NLRC5: variants seen among roughly 807,000 people sequenced by gnomAD.
The protein encoded by NLRC5 is NLR family CARD domain containing 5.
In NLRC5, 114 loss-of-function variants were observed where a neutral mutation model predicts 206.9. The observed-to-expected ratio is 0.55, with a 90% confidence interval of 0.47 to 0.64. The LOEUF is 0.64. Ranked by LOEUF, NLRC5 falls within the 30% of genes least tolerant of loss-of-function variation. The pLI is 0.00. For missense variants in NLRC5, 2,008 were observed against 2,305.5 expected, an observed-to-expected ratio of 0.87 and a Z score of 2.64; for synonymous variants, 952 against 962.8, an observed-to-expected ratio of 0.99 and a Z score of 0.21.
intron 24 of NLRC5, among the ~76,000 whole-genome samples, chr16:57,051,870 C>T (rs1285712601): frequency 5.3e-5 from 8 of 152,164 alleles, no homozygotes; most frequent in Non-Finnish European, 1.0e-4. Flanking sequence ...GCCTCCTCTG[C>T]GTCTCAGTTT....
chr16:57,026,663 C>A lies in NLRC5; in HGVS notation c.1720C>A (p.Arg574Ser), dbSNP rs370956397. 4 of 1,614,042 alleles carry A rather than the reference C, an allele frequency of 2.5e-6. No homozygotes were observed. The highest frequency in any genetic ancestry group is 3.4e-6 in the Non-Finnish European group (4 of 1,180,022). The change falls in exon 6 of 49, where the codon CGC becomes AGC. Residue 574 changes from arginine to serine, a missense_variant. Arg to Ser is a moderately radical substitution (Grantham distance 110). Transcript: ENST00000688547. ...GGCGGGCCTGGCATCCTGCACCTGC[C>A]GCCCCTTCCTTAGCCACCTGGCGCA... ...FLAGLASCTC[R>S]PFLSHLAQGN...
At chr16:56,993,136 C>CGTATATATGTGTATATATAT (rs1283484103) in intron 1 of NLRC5, among the ~76,000 whole-genome samples, 26 of 83,948 alleles carry the variant, frequency 3.1e-4, no homozygotes, top group Non-Finnish European at 5.4e-4. Flanking sequence ...TATATATACA[C>CGTATATATGTGTATATATAT]ACACACACAC....
intron 1 of NLRC5, among the ~76,000 whole-genome samples, chr16:57,003,642 A>G (rs1459663902): frequency 5.3e-5 from 8 of 152,092 alleles, no homozygotes; most frequent in African/African-American, 1.7e-4. Flanking sequence ...CCGACCACCC[A>G]GACCCCTTGC....
At chr16:57,038,518 A>AGGGC (rs1486433958) in intron 15 of NLRC5, among the ~76,000 whole-genome samples, 14 of 152,292 alleles carry the variant, frequency 9.2e-5, no homozygotes, top group African/African-American at 2.2e-4. Flanking sequence ...CTGGCCTCCC[A>AGGGC]AAGAGCAAGG....
At chr16:57,023,581 T>A (rs1259396884) in intron 4 of NLRC5, among the ~76,000 whole-genome samples, 3 of 152,118 alleles carry the variant, frequency 2.0e-5, no homozygotes, top group Non-Finnish European at 4.4e-5. Flanking sequence ...CACCTTCCAA[T>A]GGGGGTGCCT....
chr16:57,014,795 A>C (rs12928552), intron 1 of NLRC5, among the ~76,000 whole-genome samples: 1 of 152,176 alleles, frequency 6.6e-6, no homozygotes, highest in Admixed American at 6.5e-5. Context: ...GAAGTCCCCA[A>C]TCAGGGAGCC....
intron 27 of NLRC5, among the ~76,000 whole-genome samples, chr16:57,057,041 T>A (rs2065769247): frequency 6.6e-6 from 1 of 152,200 alleles, no homozygotes; most frequent in African/African-American, 2.4e-5. Context: ...CAGGAAAAGA[T>A]GAAATTAACA....
intron 32 of NLRC5, chr16:57,062,145 T>G: frequency 1.2e-6 from 1 of 861,324 alleles, no homozygotes; most frequent in Non-Finnish European, 1.7e-6. Context: ...CTTCTATTTT[T>G]ATTTTTATTT....
intron 1 of NLRC5, among the ~76,000 whole-genome samples, chr16:56,991,321 C>T (rs1290089517): frequency 6.6e-6 from 1 of 152,018 alleles, no homozygotes; most frequent in African/African-American, 2.4e-5. Flanking sequence ...CACACATACC[C>T]TCTTCCCCTC....
chr16:57,012,492 G>T (rs1300650514), intron 1 of NLRC5, among the ~76,000 whole-genome samples: 1 of 152,216 alleles, frequency 6.6e-6, no homozygotes, highest in Non-Finnish European at 1.5e-5. Flanking sequence ...GGGCCGCACA[G>T]CAGGTGGTGA....
At chr16:57,030,434 GAAAA>G (rs1162381078) in intron 10 of NLRC5, among the ~76,000 whole-genome samples, 7 of 62,502 alleles carry the variant, frequency 1.1e-4, no homozygotes, top group East Asian at 6.1e-4. Context: ...ATGGGTGGAT[GAAAA>G]GATGGATGGA....
intron 30 of NLRC5, 149 bp downstream of exon 30, chr16:57,059,681 G>A (rs968406312): frequency 4.4e-5 from 31 of 698,136 alleles, no homozygotes; most frequent in Non-Finnish European, 6.0e-5. Context: ...CTCCAGATCT[G>A]CCCCCGATGC....
In NLRC5 at chr16:57,026,905, G is replaced by A. The variant is rs369143985; in HGVS notation, c.1962G>A (p.Leu654=). 1 of 1,614,178 alleles carries A rather than the reference G, an allele frequency of 6.2e-7. No individual in the cohort carries two copies. Among genetic ancestry groups the A allele is most frequent in the Non-Finnish European group, 8.5e-7 (1 of 1,180,040 alleles). Residue 654 remains leucine, a synonymous_variant, in exon 6 of 49, where the codon CTG becomes CTA. Coordinates refer to ENST00000688547, the MANE Select transcript of NLRC5 (RefSeq NM_001384950.1). ...TGACCTGCACCGACCTGGCCACCCT[G>A]ACCAACATCCTAGAGCACAGGGAGG... ...FPLTCTDLAT[L]TNILEHREAP...
chr16:57,024,836 C>T (rs1306337148), intron 5 of NLRC5, among the ~76,000 whole-genome samples: 1 of 152,148 alleles, frequency 6.6e-6, no homozygotes, highest in Non-Finnish European at 1.5e-5. Flanking sequence ...GTGACAAAAC[C>T]TTGTCTCTAC....
At chr16:57,028,834 C>T (rs761640775) in intron 8 of NLRC5, among the ~76,000 whole-genome samples, 10 of 152,292 alleles carry the variant, frequency 6.6e-5, no homozygotes, top group South Asian at 2.1e-4. Context: ...ATGTATGCAG[C>T]GCACACATGC....
At chr16:57,070,693 G>A (rs1002914954) in intron 38 of NLRC5, 75 bp downstream of exon 38, 1 of 1,315,644 alleles carries the variant, frequency 7.6e-7, no homozygotes, top group East Asian at 2.3e-5. Context: ...GTGAGTGGTG[G>A]GGTTGGTTAA....
At chr16:57,063,861 C>A (rs1217398536) in intron 32 of NLRC5, among the ~76,000 whole-genome samples, 5 of 152,054 alleles carry the variant, frequency 3.3e-5, no homozygotes, top group African/African-American at 9.7e-5. Flanking sequence ...GCCTCAGCCT[C>A]CAGAGTAGCT....
chr16:57,006,436 T>TTTTTG (rs2058920245), intron 1 of NLRC5, among the ~76,000 whole-genome samples: 1 of 131,764 alleles, frequency 7.6e-6, no homozygotes, highest in Non-Finnish European at 1.6e-5. Context: ...TTTTTTTTTT[T>TTTTTG]GAGACAGGGT....
intron 1 of NLRC5, among the ~76,000 whole-genome samples, chr16:56,995,818 G>A (rs1188974520): frequency 1.3e-5 from 2 of 152,216 alleles, no homozygotes; most frequent in African/African-American, 4.8e-5. Context: ...AAGGTGTCCT[G>A]TGTGTTTCTG....
Sources: gnomAD v4.1 joint callset for allele counts (sites outside exome capture counted in the v4.1 genomes callset) on GRCh38, gnomAD v4.1.1 for gene constraint, MANE v1.5 for transcripts, NCBI Gene and HGNC (gene_info 2026-07-23, HGNC 2026-07-21) for gene names.